The following PPP3CA variants were observed in gnomAD, a reference collection of about 807,000 sequenced individuals.
PPP3CA encodes CAM-PRP catalytic subunit.
A neutral mutation model predicts 66.5 loss-of-function variants in PPP3CA; 14 were observed. That is an observed-to-expected ratio of 0.21 (90% CI 0.14 to 0.33). PPP3CA has a LOEUF of 0.33. Among genes scored for constraint, PPP3CA ranks in the 10% least tolerant of loss-of-function variants. The pLI, the probability that PPP3CA is intolerant of heterozygous loss-of-function variation, is 1.00. For missense variants in PPP3CA, 317 were observed against 639.5 expected (o/e 0.50, Z 5.44); for synonymous variants, 232 against 226.2 (o/e 1.03, Z -0.23).
At chr4:101,324,692 A>T (rs13125818) in intron 1 of PPP3CA, among the ~76,000 whole-genome samples, 1 of 144,400 alleles carries the variant, frequency 6.9e-6, no homozygotes, top group Middle Eastern at 3.2e-3. Context: ...GAATGGAACA[A>T]CAAAAAAAAA....
chr4:101,213,057 T>C (rs774076727), intron 1 of PPP3CA, among the ~76,000 whole-genome samples: 2 of 152,128 alleles, frequency 1.3e-5, no homozygotes, highest in Admixed American at 1.3e-4. Context: ...AAGTACACTA[T>C]AAACAAATAG....
intron 8 of PPP3CA, among the ~76,000 whole-genome samples, chr4:101,064,055 T>C (rs564809853): frequency 3.9e-4 from 60 of 152,130 alleles, no homozygotes; most frequent in African/African-American, 1.4e-3. Context: ...AGTAGACTGC[T>C]TTCTTGACTT....
chr4:101,344,210 A>C (rs1401399327), intron 1 of PPP3CA, among the ~76,000 whole-genome samples: 1 of 152,214 alleles, frequency 6.6e-6, no homozygotes, highest in Non-Finnish European at 1.5e-5. Context: ...ATCACTTGTT[A>C]ATATGTTTCA....
At chr4:101,294,278 G>C (rs1184800629) in intron 1 of PPP3CA, among the ~76,000 whole-genome samples, 1 of 152,176 alleles carries the variant, frequency 6.6e-6, no homozygotes, top group African/African-American at 2.4e-5. Flanking sequence ...CAGTACTAAC[G>C]TGGGACTCCA....
chr4:101,124,297 A>G (rs1722126962), intron 2 of PPP3CA, among the ~76,000 whole-genome samples: 1 of 152,160 alleles, frequency 6.6e-6, no homozygotes, highest in Non-Finnish European at 1.5e-5. Flanking sequence ...TATTTAAAAT[A>G]GAAATTACAT....
chr4:101,205,155 C>T (rs773613327), intron 1 of PPP3CA, among the ~76,000 whole-genome samples: 1 of 151,630 alleles, frequency 6.6e-6, no homozygotes, highest in Non-Finnish European at 1.5e-5. Context: ...GAGAAAAATG[C>T]CATAGGAGAA....
At chr4:101,057,922 A>T (rs1728296313) in intron 10 of PPP3CA, among the ~76,000 whole-genome samples, 1 of 151,924 alleles carries the variant, frequency 6.6e-6, no homozygotes, top group Non-Finnish European at 1.5e-5. Flanking sequence ...TTTTCTTTTC[A>T]CCTCTCCTCA....
rs546755954 is a variant in PPP3CA, at chr4:101,346,877, A to ACAACGC, written c.-82_-81insGCGTTG. ...ACCGGACCGGCGGGCCAGACACTCA[A>ACAACGC]CGCCGCCGCCGCCGCCGCCGCCGCC... On this transcript the variant is annotated 5_prime_UTR_variant, in exon 1 of 14. Transcript: ENST00000394854. 7.5e-4 allele frequency: 970 copies of ACAACGC among 1,293,026 alleles called. 14 individuals carry two copies. The African/African-American group carries it at 0.014, about 18-fold the overall frequency. 80.1% of individuals were successfully genotyped at this position (1,293,026 alleles called of 1,614,324 possible). A position where few individuals can be genotyped will look rare whatever the true frequency, so the allele number is the denominator to read the frequency against.
At chr4:101,198,220 G>C (rs1724860877) in intron 1 of PPP3CA, among the ~76,000 whole-genome samples, 1 of 152,106 alleles carries the variant, frequency 6.6e-6, no homozygotes, top group Admixed American at 6.5e-5. Context: ...TGCTCTCCCT[G>C]CTTTTCCTCG....
At chr4:101,202,896 C>G (rs1490498382) in intron 1 of PPP3CA, among the ~76,000 whole-genome samples, 1 of 152,030 alleles carries the variant, frequency 6.6e-6, no homozygotes, top group Non-Finnish European at 1.5e-5. Context: ...CTAAATACTA[C>G]TATACCAGTC....
chr4:101,244,279 C>T (rs1008239551), intron 1 of PPP3CA, among the ~76,000 whole-genome samples: 2 of 152,116 alleles, frequency 1.3e-5, no homozygotes, highest in Non-Finnish European at 2.9e-5. Flanking sequence ...TCTACCAATG[C>T]CTACTCTTTA....
At chr4:101,103,285 C>T (rs1282953467) in intron 3 of PPP3CA, among the ~76,000 whole-genome samples, 2 of 152,138 alleles carry the variant, frequency 1.3e-5, no homozygotes, top group African/African-American at 4.8e-5. Flanking sequence ...AGTAACTACT[C>T]GTACTGTGAA....
intron 1 of PPP3CA, among the ~76,000 whole-genome samples, chr4:101,257,108 C>T (rs916077768): frequency 6.6e-6 from 1 of 151,850 alleles, no homozygotes; most frequent in African/African-American, 2.4e-5. Context: ...ACTGAGTTTC[C>T]AAATCATACA....
At chr4:101,271,893 T>C (rs930561343) in intron 1 of PPP3CA, among the ~76,000 whole-genome samples, 1 of 152,256 alleles carries the variant, frequency 6.6e-6, no homozygotes, top group Admixed American at 6.5e-5. Context: ...TAAATGTCTA[T>C]GTTGCTCACT....
chr4:101,073,225 A>G (rs943304057), intron 8 of PPP3CA, among the ~76,000 whole-genome samples: 4 of 132,984 alleles, frequency 3.0e-5, no homozygotes, highest in Non-Finnish European at 4.8e-5. Flanking sequence ...CCATATATAT[A>G]TACGTGTGTG....
chr4:101,061,818 C>T (rs1461764805), intron 9 of PPP3CA, among the ~76,000 whole-genome samples: 1 of 151,948 alleles, frequency 6.6e-6, no homozygotes, highest in Non-Finnish European at 1.5e-5. Flanking sequence ...ATTAGTACTG[C>T]ATTATTTTTA....
chr4:101,234,002 T>C (rs1165511101), intron 1 of PPP3CA, among the ~76,000 whole-genome samples: 3 of 151,838 alleles, frequency 2.0e-5, no homozygotes, highest in Non-Finnish European at 2.9e-5. Flanking sequence ...CAGTATTTGG[T>C]TTTCTGTTCC....
chr4:101,313,567 T>A (rs1728791526), intron 1 of PPP3CA, among the ~76,000 whole-genome samples: 1 of 152,190 alleles, frequency 6.6e-6, no homozygotes, highest in South Asian at 2.1e-4. Flanking sequence ...GAGAACAGCC[T>A]GTCCCTAGTT....
At chr4:101,257,767 T>C (rs1364372438) in intron 1 of PPP3CA, among the ~76,000 whole-genome samples, 1 of 152,084 alleles carries the variant, frequency 6.6e-6, no homozygotes, top group African/African-American at 2.4e-5. Context: ...CCCAACAACA[T>C]TAGTTACTGA....
Sources: gnomAD v4.1 joint callset for allele counts (sites outside exome capture counted in the v4.1 genomes callset) on GRCh38, gnomAD v4.1.1 for gene constraint, MANE v1.5 for transcripts, NCBI Gene and HGNC (gene_info 2026-07-23, HGNC 2026-07-21) for gene names.